Variants in GABBR2 observed in about 807,000 individuals in gnomAD.
The protein encoded by GABBR2 is G-protein coupled receptor 51.
In GABBR2, 23 loss-of-function variants were observed where a neutral mutation model predicts 105.6. That is an observed-to-expected ratio of 0.22 (90% CI 0.16 to 0.31). The LOEUF is 0.31. Ranked by LOEUF, GABBR2 falls within the 10% of genes least tolerant of loss-of-function variation. The pLI, the probability that GABBR2 is intolerant of heterozygous loss-of-function variation, is 1.00. For missense variants in GABBR2, 734 were observed against 1,245.5 expected (o/e 0.59, Z 6.18); for synonymous variants, 478 against 499.7 (o/e 0.96, Z 0.58).
At position 98,290,444 on chromosome 9, in the gene GABBR2, A is replaced by T. The variant is rs951666826; in HGVS notation, c.*140T>A. 6.4e-6 allele frequency: 3 copies of T among 467,816 alleles called. No individual in the cohort carries two copies. The highest frequency in any genetic ancestry group is 7.1e-5 in the East Asian group (2 of 28,344). 29.0% of individuals were successfully genotyped at this position (467,816 alleles called of 1,614,324 possible). A position where few individuals can be genotyped will look rare whatever the true frequency, so the allele number is the denominator to read the frequency against. On this transcript the variant is annotated 3_prime_UTR_variant, in exon 19 of 19. Coordinates refer to ENST00000259455, the MANE Select transcript of GABBR2 (RefSeq NM_005458.8). ...CCCCCTGCCCCGTCCTGTCCACCTGAGTGCCATCCGAGTGGTCCTGAGAGG... is the reference window on the plus strand; with the variant it reads ...CCCCCTGCCCCGTCCTGTCCACCTGTGTGCCATCCGAGTGGTCCTGAGAGG...
chr9:98,489,054 C>A (rs940699856), intron 4 of GABBR2, among the ~76,000 whole-genome samples: 1 of 152,194 alleles, frequency 6.6e-6, no homozygotes, highest in African/African-American at 2.4e-5. Context: ...GTCTCTGTTG[C>A]AATTACTCAG....
At chr9:98,370,621 G>T (rs1409978479) in intron 12 of GABBR2, among the ~76,000 whole-genome samples, 1 of 152,158 alleles carries the variant, frequency 6.6e-6, no homozygotes, top group Non-Finnish European at 1.5e-5. Context: ...GAGAAGTTGT[G>T]CCAATCAATG....
intron 1 of GABBR2, among the ~76,000 whole-genome samples, chr9:98,629,347 C>T (rs1829787485): frequency 6.6e-6 from 1 of 152,166 alleles, no homozygotes; most frequent in African/African-American, 2.4e-5. Flanking sequence ...AATGTCTTCT[C>T]CTTATTTATA....
rs1362642949 is a variant in GABBR2, at chr9:98,362,799, G to GC, written c.1808dup (p.Met604HisfsTer46). On this transcript the variant is annotated frameshift_variant, in exon 13 of 19. Coordinates refer to ENST00000259455, the MANE Select transcript of GABBR2 (RefSeq NM_005458.8). LOFTEE classifies it high-confidence loss of function. ...GGATACACAGGTCGATCAGCAGCAT[G>GC]CCCCCCACGATCACAAGCAGTTTCT... The GC allele has an allele frequency of 3.1e-6, 5 of 1,598,892 alleles. No individual in the cohort carries two copies. The highest frequency in any genetic ancestry group is 1.7e-5 in the Admixed American group (1 of 57,790).
intron 17 of GABBR2, among the ~76,000 whole-genome samples, chr9:98,294,622 G>A (rs11789046): frequency 0.027 from 4,101 of 151,962 alleles, 72 homozygotes; most frequent in Non-Finnish European, 0.044. Flanking sequence ...GACTACAGGC[G>A]CATGCCACCA....
At chr9:98,507,705 T>A (rs2131689311) in intron 3 of GABBR2, among the ~76,000 whole-genome samples, 1 of 152,312 alleles carries the variant, frequency 6.6e-6, no homozygotes, top group South Asian at 2.1e-4. Flanking sequence ...GTTCCCAGGC[T>A]AGCAGTGACT....
chr9:98,355,538 G>A lies in GABBR2; in HGVS notation c.1893+7177C>T, dbSNP rs542608358. Reference sequence around the variant, plus strand: ...CAAATTAGGTAAAACATCTACATGAGGAAATCCACAATACTCTAATGAAAG... The same window carrying A: ...CAAATTAGGTAAAACATCTACATGAAGAAATCCACAATACTCTAATGAAAG... On this transcript the variant is annotated intron_variant, in intron 13 of 18. Coordinates refer to ENST00000259455, the MANE Select transcript of GABBR2 (RefSeq NM_005458.8). 4.6e-5 allele frequency among the ~76,000 whole-genome samples: 7 copies of A among 152,020 alleles called. No individual in the cohort carries two copies. In the South Asian group the frequency reaches 1.5e-3, roughly 32 times the overall value.
intron 1 of GABBR2, among the ~76,000 whole-genome samples, chr9:98,579,969 G>A (rs1340313588): frequency 6.6e-6 from 1 of 152,128 alleles, no homozygotes; most frequent in Non-Finnish European, 1.5e-5. Flanking sequence ...CTAAGTATGA[G>A]GGTAAAGGGT....
chr9:98,358,622 C>T (rs1371160506), intron 13 of GABBR2, among the ~76,000 whole-genome samples: 4 of 152,180 alleles, frequency 2.6e-5, no homozygotes, highest in African/African-American at 9.7e-5. Context: ...CTCTGGAGTC[C>T]CTCACAGGGC....
intron 1 of GABBR2, among the ~76,000 whole-genome samples, chr9:98,616,889 A>G (rs953737949): frequency 3.9e-5 from 6 of 152,228 alleles, no homozygotes; most frequent in African/African-American, 1.2e-4. Flanking sequence ...TATATTTTCT[A>G]CATTTTAAAA....
intron 6 of GABBR2, among the ~76,000 whole-genome samples, chr9:98,472,050 T>C (rs1025067813): frequency 1.3e-5 from 2 of 152,184 alleles, no homozygotes; most frequent in Admixed American, 6.5e-5. Context: ...TTGGTTCCAA[T>C]TGAGATTAAA....
At chr9:98,369,680 T>C (rs1015207651) in intron 12 of GABBR2, among the ~76,000 whole-genome samples, 6 of 152,046 alleles carry the variant, frequency 3.9e-5, no homozygotes, top group Non-Finnish European at 8.8e-5. Flanking sequence ...AATGCAGGCT[T>C]GGATGAAAAA....
Position 98,577,973 on chromosome 9 carries a change from T to C in GABBR2, c.421A>G (p.Ile141Val). ...FGGVCPSVTSIIAESLQGWNL... is the reference protein window; with the variant it reads ...FGGVCPSVTSVIAESLQGWNL... ...CAGCCTTGGAGGGACTCTGCAATGA[T>C]GGATGTGACGGATGGACAGACGCCT... The change falls in exon 2 of 19, where the codon ATC (isoleucine) becomes GTC (valine). Residue 141 changes from isoleucine to valine, a missense_variant. Transcript: ENST00000259455. The C allele has an allele frequency of 1.2e-6, 2 of 1,614,046 alleles. No homozygotes were observed. The highest frequency in any genetic ancestry group is 1.7e-6 in the Non-Finnish European group (2 of 1,179,912).
intron 9 of GABBR2, among the ~76,000 whole-genome samples, chr9:98,393,269 A>G (rs1459620053): frequency 6.8e-6 from 1 of 146,014 alleles, no homozygotes; most frequent in Non-Finnish European, 1.5e-5. Flanking sequence ...CTATCCACTC[A>G]CCCACCCACC....
At chr9:98,297,946 C>CAATTCTCCAGTGAG (rs572748775) in intron 17 of GABBR2, among the ~76,000 whole-genome samples, 36 of 148,328 alleles carry the variant, frequency 2.4e-4, no homozygotes, top group African/African-American at 5.0e-4. Flanking sequence ...ATTGCTTGAA[C>CAATTCTCCAGTGAG]AATTCTCCAG....
intron 1 of GABBR2, among the ~76,000 whole-genome samples, chr9:98,683,358 C>T (rs1486870594): frequency 6.6e-6 from 1 of 152,192 alleles, no homozygotes; most frequent in Non-Finnish European, 1.5e-5. Context: ...CCACCTCGGC[C>T]TCCCAAAGTG....
chr9:98,391,651 C>A (rs1832183049), intron 9 of GABBR2, among the ~76,000 whole-genome samples: 1 of 152,140 alleles, frequency 6.6e-6, no homozygotes, highest in South Asian at 2.1e-4. Context: ...GCATCCTGGG[C>A]AGAAGGCACA....
intron 1 of GABBR2, among the ~76,000 whole-genome samples, chr9:98,606,643 G>A (rs10987004): frequency 0.08 from 12,172 of 151,706 alleles, 508 homozygotes; most frequent in African/African-American, 0.1. Context: ...AACATGCCCG[G>A]TCGATTTTGT....
chr9:98,690,892 C>G (rs536951942), intron 1 of GABBR2, among the ~76,000 whole-genome samples: 1 of 152,340 alleles, frequency 6.6e-6, no homozygotes, highest in East Asian at 1.9e-4. Context: ...TCAGCACCAG[C>G]CTTCTGCCCT....
Sources: allele counts gnomAD v4.1 joint callset (sites outside exome capture counted in the v4.1 genomes callset), GRCh38; gene constraint gnomAD v4.1.1; transcripts MANE v1.5; gene names NCBI Gene and HGNC (gene_info 2026-07-23, HGNC 2026-07-21).